HYDIN: variants seen among roughly 807,000 people sequenced by gnomAD.
HYDIN encodes axonemal central pair apparatus protein HYDIN.
In HYDIN, 132 loss-of-function variants were observed where a neutral mutation model predicts 403.9. That is an observed-to-expected ratio of 0.33 (90% CI 0.28 to 0.38). HYDIN has a LOEUF of 0.38. Among genes scored for constraint, HYDIN ranks in the 10% least tolerant of loss-of-function variants. The probability of loss-of-function intolerance (pLI) is 1.00; values close to 1 mark genes in which losing one functional copy is unlikely to be tolerated. For missense variants in HYDIN, 2,827 were observed against 5,009.5 expected, an observed-to-expected ratio of 0.56 and a Z score of 13.15; for synonymous variants, 1,202 against 1,891.7, an observed-to-expected ratio of 0.64 and a Z score of 9.46.
intron 25 of HYDIN, 175 bp downstream of exon 25, chr16:70,991,143 T>A (rs2079338007): frequency 1.1e-6 from 1 of 909,996 alleles, no homozygotes. Context: ...AAGTGTAGGC[T>A]CTCACTGAGT....
intron 7 of HYDIN, among the ~76,000 whole-genome samples, chr16:71,152,243 T>C (rs2085565318): frequency 6.6e-6 from 1 of 152,032 alleles, no homozygotes; most frequent in South Asian, 2.1e-4. Flanking sequence ...TTTTTTTTTT[T>C]TATCTTGTGG....
intron 9 of HYDIN, among the ~76,000 whole-genome samples, 166 bp from the exon 10 acceptor site, chr16:71,115,961 C>T (rs1245026214): frequency 1.3e-5 from 2 of 152,044 alleles, no homozygotes; most frequent in African/African-American, 4.8e-5. Flanking sequence ...ATGATTACTG[C>T]AGTCAAGGAA....
chr16:70,834,967 T>C (rs545004842), intron 78 of HYDIN, among the ~76,000 whole-genome samples: 14 of 129,524 alleles, frequency 1.1e-4, no homozygotes, highest in Admixed American at 3.6e-4. Context: ...TATACACACA[T>C]ATATGTGTGT....
At chr16:70,966,249 T>C (rs894313664) in intron 36 of HYDIN, among the ~76,000 whole-genome samples, 28 of 152,050 alleles carry the variant, frequency 1.8e-4, no homozygotes, top group African/African-American at 5.8e-4. Context: ...AAATCTCAAG[T>C]CTTAGATTGT....
chr16:70,821,620 T>G (rs1485017787), intron 83 of HYDIN, among the ~76,000 whole-genome samples: 3 of 111,528 alleles, frequency 2.7e-5, no homozygotes, highest in Non-Finnish European at 5.4e-5. Flanking sequence ...TAAGCTTTTC[T>G]CTTTATCTTT....
rs1236392258 is a variant in HYDIN, at chr16:71,049,705, C to T, written c.2529+10799G>A. Among the ~76,000 whole-genome samples, 3 of 148,188 alleles carry T rather than the reference C, an allele frequency of 2.0e-5. No individual in the cohort carries two copies. The East Asian group carries it at 5.9e-4, about 29-fold the overall frequency. On this transcript the variant is annotated intron_variant, in intron 18 of 85. Coordinates refer to ENST00000393567, the MANE Select transcript of HYDIN (RefSeq NM_001270974.2). ...TGCACCCGAGATTCTTAAAGAGATA[C>T]AGAATAGGAGAATATACATAAAACA...
intron 1 of HYDIN, among the ~76,000 whole-genome samples, chr16:71,222,139 T>C (rs1177500244): frequency 2.6e-5 from 4 of 152,218 alleles, no homozygotes; most frequent in Admixed American, 6.5e-5. Context: ...TAACACATCA[T>C]GATCAAGTGG....
At chr16:71,209,963 A>T (rs572372740) in intron 1 of HYDIN, among the ~76,000 whole-genome samples, 1 of 152,352 alleles carries the variant, frequency 6.6e-6, no homozygotes, top group South Asian at 2.1e-4. Context: ...ATACTGCCCA[A>T]AGCAATTTAT....
intron 64 of HYDIN, 52 bp from the exon 65 acceptor site, chr16:70,872,231 C>T: frequency 1.3e-6 from 1 of 771,568 alleles, no homozygotes; most frequent in Non-Finnish European, 2.0e-6. Context: ...CCCCTGAGGG[C>T]CTGCTGCCTT....
chr16:70,858,723 G>A (rs369989901), intron 71 of HYDIN, among the ~76,000 whole-genome samples: 1 of 152,134 alleles, frequency 6.6e-6, no homozygotes, highest in African/African-American at 2.4e-5. Flanking sequence ...TTAAAGACCA[G>A]CATGACTTTG....
chr16:71,130,381 T>C (rs1357742397), intron 8 of HYDIN, among the ~76,000 whole-genome samples: 1 of 151,686 alleles, frequency 6.6e-6, no homozygotes, highest in East Asian at 1.9e-4. Flanking sequence ...CCACAGGAGC[T>C]GCTCCATCAG....
chr16:70,843,131 C>T (rs180992887), intron 75 of HYDIN, among the ~76,000 whole-genome samples: 2,281 of 147,256 alleles, frequency 0.015, 63 homozygotes, highest in African/African-American at 0.055. Context: ...CATGCTGGTG[C>T]GCTGCACCCA....
chr16:70,982,376 C>G (rs1184553184), intron 28 of HYDIN, among the ~76,000 whole-genome samples: 1 of 151,364 alleles, frequency 6.6e-6, no homozygotes, highest in Non-Finnish European at 1.5e-5. Context: ...GAAGCAAGTT[C>G]TGCTATTCCT....
chr16:71,043,797 A>G (rs1205019197), intron 18 of HYDIN, among the ~76,000 whole-genome samples: 7 of 151,930 alleles, frequency 4.6e-5, no homozygotes, highest in African/African-American at 1.7e-4. Flanking sequence ...GTTTAAGAGT[A>G]AAGCACTAAG....
intron 1 of HYDIN, among the ~76,000 whole-genome samples, chr16:71,192,783 A>G (rs925418061): frequency 1.3e-5 from 2 of 152,130 alleles, no homozygotes; most frequent in African/African-American, 4.8e-5. Context: ...TTGTCTTTTT[A>G]ATCACTGTAT....
intron 2 of HYDIN, 107 bp from the exon 3 acceptor site, chr16:71,185,097 A>C: frequency 1.6e-6 from 1 of 638,316 alleles, no homozygotes; most frequent in Non-Finnish European, 2.4e-6. Flanking sequence ...TTTCAGGATA[A>C]TTCTGGAATG....
intron 44 of HYDIN, among the ~76,000 whole-genome samples, chr16:70,936,720 C>T (rs2486981): frequency 0.54 from 77,047 of 143,458 alleles, 24,449 homozygotes; most frequent in Non-Finnish European, 0.73. Flanking sequence ...TTAGTAGAGA[C>T]GGGGTTTCGC....
chr16:70,824,061 T>G (rs968110631), intron 83 of HYDIN, among the ~76,000 whole-genome samples: 1 of 149,836 alleles, frequency 6.7e-6, no homozygotes, highest in Non-Finnish European at 1.5e-5. Context: ...GTTTTATATG[T>G]TTTTTTTTTA....
Position 70,892,436 on chromosome 16 carries a change from T to C in HYDIN, c.9342A>G (p.Lys3114=), listed in dbSNP as rs1597240795. 2 of 1,605,392 alleles carry C rather than the reference T, an allele frequency of 1.2e-6. No homozygotes were observed. The highest frequency in any genetic ancestry group is 4.5e-5 in the East Asian group (2 of 44,752). The change falls in exon 56 of 86, where the codon AAA becomes AAG. Residue 3114 remains lysine (K), a synonymous_variant. Coordinates refer to ENST00000393567, the MANE Select transcript of HYDIN (RefSeq NM_001270974.2). The part of the protein sequence containing the change: ...PKKGSLTPTE[K]PTNVQVFFHA... ...GGAAGAAAACTTGGACATTTGTGGG[T>C]TTTTCTGTTGGGGTCAGTGAACCCT...
Sources: allele counts gnomAD v4.1 joint callset (sites outside exome capture counted in the v4.1 genomes callset), GRCh38; gene constraint gnomAD v4.1.1; transcripts MANE v1.5; gene names NCBI Gene and HGNC (gene_info 2026-07-23, HGNC 2026-07-21).